The following ABHD18 variants were observed in gnomAD, a reference collection of about 807,000 sequenced individuals.
The protein encoded by ABHD18 is cardiolipin-specific deacylase, mitochondrial.
Under a neutral mutation model 65.9 loss-of-function variants are expected in ABHD18, and 55 were observed. That is an observed-to-expected ratio of 0.84 (90% CI 0.67 to 1.05). ABHD18 has a LOEUF of 1.05. ABHD18 is among the 50% of genes least tolerant of loss of function. The pLI is 0.00. For missense variants in ABHD18, 533 were observed against 558.5 expected, an observed-to-expected ratio of 0.95 and a Z score of 0.46; for synonymous variants, 181 against 180.2, an observed-to-expected ratio of 1.00 and a Z score of -0.04.
At chr4:127,971,273 G>T (rs200632798) in intron 1 of ABHD18, among the ~76,000 whole-genome samples, 1 of 140,528 alleles carries the variant, frequency 7.1e-6, no homozygotes, top group South Asian at 2.3e-4. Flanking sequence ...AAAAAAAAAA[G>T]ACAATGAAGT....
intron 4 of ABHD18, among the ~76,000 whole-genome samples, chr4:128,004,013 A>AT (rs1278733625): frequency 2.0e-5 from 3 of 151,792 alleles, no homozygotes; most frequent in Non-Finnish European, 4.4e-5. Context: ...GAATTCACTG[A>AT]TTTTTTAATA....
intron 1 of ABHD18, among the ~76,000 whole-genome samples, chr4:127,976,502 A>G (rs1011925480): frequency 1.3e-5 from 2 of 152,224 alleles, no homozygotes; most frequent in Non-Finnish European, 2.9e-5. Flanking sequence ...AAATACCTAC[A>G]TAATATCCTT....
At chr4:128,033,870 G>T (rs574430523) in intron 12 of ABHD18, among the ~76,000 whole-genome samples, 1 of 151,520 alleles carries the variant, frequency 6.6e-6, no homozygotes, top group Non-Finnish European at 1.5e-5. Context: ...TGGATGTGAG[G>T]ATATGGTTAG....
chr4:127,988,136 T>C (rs1350268365), intron 3 of ABHD18, among the ~76,000 whole-genome samples: 2 of 152,212 alleles, frequency 1.3e-5, no homozygotes, highest in African/African-American at 4.8e-5. Context: ...ATGATAATAG[T>C]AGCGTTTTAA....
chr4:127,996,405 G>A lies in ABHD18; in HGVS notation c.278+6584G>A, dbSNP rs1751740395. 2.6e-5 allele frequency among the ~76,000 whole-genome samples: 4 copies of A among 151,924 alleles called. No individual in the cohort carries two copies. The South Asian group carries it at 8.3e-4, about 31-fold the overall frequency. ...GGTAGGACCATGATGGCGACCCCGA[G>A]CCGCAAAATCAGCAAGTTTTTATTA... On this transcript the variant is annotated intron_variant, in intron 4 of 12. Transcript: ENST00000645843.
rs774107227 is a variant in ABHD18, at chr4:128,020,167, A to G, written c.697A>G (p.Thr233Ala). The change falls in exon 9 of 13, where the codon ACG becomes GCG. Residue 233 changes from threonine (T) to alanine (A), a missense_variant and splice_region_variant. Coordinates refer to ENST00000645843, the MANE Select transcript of ABHD18 (RefSeq NM_001358451.3). Reference protein sequence around the residue: ...SWSTASGVFTTGVLSKSINWR... With the variant: ...SWSTASGVFTAGVLSKSINWR... ...GTCCACAGCATCTGGGGTCTTCACTACGGTAATTTAATTGTAATTAATATT... is the reference window on the plus strand; with the variant it reads ...GTCCACAGCATCTGGGGTCTTCACTGCGGTAATTTAATTGTAATTAATATT... 107 of 1,609,964 alleles carry G rather than the reference A, an allele frequency of 6.6e-5. No homozygotes were observed. The highest frequency in any genetic ancestry group is 8.6e-5 in the Non-Finnish European group (101 of 1,176,954).
rs550132156 is a variant in ABHD18 at position 128,019,933 on chromosome 4, G to T, written c.610-147G>T. 2.3e-5 allele frequency: 11 copies of T among 484,596 alleles called. No homozygotes were observed. The East Asian group carries it at 2.5e-4, about 11-fold the overall frequency. 30.0% of individuals were successfully genotyped at this position (484,596 alleles called of 1,614,324 possible). A position where few individuals can be genotyped will look rare whatever the true frequency, so the allele number is the denominator to read the frequency against. On this transcript the variant is annotated intron_variant, in intron 8 of 12. Transcript: ENST00000645843. ...GAATTTATGATTTGGGGAATTTAAT[G>T]AGGTGGCTAGACATTCTCACGAATG...
chr4:128,027,567 G>A (rs1323146746), intron 10 of ABHD18, among the ~76,000 whole-genome samples: 1 of 151,932 alleles, frequency 6.6e-6, no homozygotes, highest in African/African-American at 2.4e-5. Flanking sequence ...CATCATGCCC[G>A]GCTAAATTTT....
Position 127,980,652 on chromosome 4 carries a change from C to T in ABHD18, c.-17-2287C>T, listed in dbSNP as rs550770200. Among the ~76,000 whole-genome samples the T allele has an allele frequency of 4.0e-5, 6 of 151,704 alleles. No homozygotes were observed. In the East Asian group the frequency reaches 5.8e-4, roughly 15 times the overall value. On this transcript the variant is annotated intron_variant, in intron 1 of 12. Coordinates refer to ENST00000645843, the MANE Select transcript of ABHD18 (RefSeq NM_001358451.3). ...CAGCCTGGACGACATGGTGAAACCC[C>T]GTCTCTACTAAAAACACAAAAATTC...
chr4:127,974,997 CA>C (rs34068699), intron 1 of ABHD18, among the ~76,000 whole-genome samples: 103 of 88,260 alleles, frequency 1.2e-3, no homozygotes, highest in African/African-American at 3.7e-3. Context: ...AACTGTGTCT[CA>C]AAAAAAAAAA....
At chr4:127,970,477 A>G (rs1198475326) in intron 1 of ABHD18, among the ~76,000 whole-genome samples, 1 of 151,482 alleles carries the variant, frequency 6.6e-6, no homozygotes, top group African/African-American at 2.4e-5. Flanking sequence ...CTGTAATCCC[A>G]GCTACTCGGG....
chr4:127,995,376 A>C (rs1171483582), intron 4 of ABHD18, among the ~76,000 whole-genome samples: 1 of 152,220 alleles, frequency 6.6e-6, no homozygotes. Context: ...CAAAGAAATA[A>C]GATATTACTT....
chr4:127,991,531 G>A (rs952308096), intron 4 of ABHD18, among the ~76,000 whole-genome samples: 1 of 151,718 alleles, frequency 6.6e-6, no homozygotes, highest in Non-Finnish European at 1.5e-5. Context: ...CCTGATAATG[G>A]GTTTTTTAAG....
chr4:128,035,259 AG>A (rs1758757718), intron 12 of ABHD18, among the ~76,000 whole-genome samples: 1 of 152,202 alleles, frequency 6.6e-6, no homozygotes. Flanking sequence ...CTTCAGAAAA[AG>A]ATAATGCTTT....
At chr4:127,974,188 GTTTTTTTTTT>G (rs34967150) in intron 1 of ABHD18, among the ~76,000 whole-genome samples, 4 of 101,488 alleles carry the variant, frequency 3.9e-5, no homozygotes, top group African/African-American at 1.1e-4. Context: ...CTTAAGTTCT[GTTTTTTTTTT>G]TTTTTTTTTT....
At chr4:128,022,986 G>C (rs1466283629) in intron 10 of ABHD18, among the ~76,000 whole-genome samples, 1 of 151,956 alleles carries the variant, frequency 6.6e-6, no homozygotes, top group Non-Finnish European at 1.5e-5. Flanking sequence ...GGTCAGGCTG[G>C]TCTCAAACTC....
chr4:127,989,613 C>A, intron 3 of ABHD18, 108 bp from the exon 4 acceptor site: 1 of 642,864 alleles, frequency 1.6e-6, no homozygotes, highest in Non-Finnish European at 2.5e-6. Flanking sequence ...ATAGTAGGTG[C>A]TGAAAACATG....
At chr4:128,033,862 G>C (rs765440421) in intron 12 of ABHD18, among the ~76,000 whole-genome samples, 4 of 151,902 alleles carry the variant, frequency 2.6e-5, no homozygotes, top group Non-Finnish European at 5.9e-5. Flanking sequence ...GCTGTGTTTG[G>C]ATGTGAGGAT....
chr4:127,975,105 A>C (rs1195430566), intron 1 of ABHD18, among the ~76,000 whole-genome samples: 1 of 151,982 alleles, frequency 6.6e-6, no homozygotes, highest in Non-Finnish European at 1.5e-5. Context: ...TTGGAGACTC[A>C]ACCCCAAATT....
Sources: gnomAD v4.1 joint callset for allele counts (sites outside exome capture counted in the v4.1 genomes callset) on GRCh38, gnomAD v4.1.1 for gene constraint, MANE v1.5 for transcripts, NCBI Gene and HGNC (gene_info 2026-07-23, HGNC 2026-07-21) for gene names.